Variants in IPCEF1 observed in about 807,000 individuals in gnomAD.
IPCEF1 encodes the protein interaction protein for cytohesin exchange factors 1.
IPCEF1 carries 31 observed loss-of-function variants against 50.9 expected under a neutral mutation model. The observed-to-expected ratio is 0.61, with a 90% CI of 0.46 to 0.82. The LOEUF (loss-of-function observed/expected upper bound fraction) is 0.82, where lower values mean the gene tolerates loss of function less well. IPCEF1 is among the 40% of genes least tolerant of loss of function. IPCEF1 has a pLI of 0.00. For missense variants in IPCEF1, 458 were observed against 514.0 expected, an observed-to-expected ratio of 0.89 and a Z score of 1.05; for synonymous variants, 181 against 192.0, an observed-to-expected ratio of 0.94 and a Z score of 0.47.
intron 2 of IPCEF1, among the ~76,000 whole-genome samples, chr6:154,272,432 T>C (rs1335919318): frequency 1.3e-5 from 2 of 152,234 alleles, no homozygotes; most frequent in South Asian, 2.1e-4. Flanking sequence ...TTTAAGGGAA[T>C]AGTTATCTCA....
At chr6:154,197,253 T>C (rs760919499) in intron 10 of IPCEF1, among the ~76,000 whole-genome samples, 3 of 152,214 alleles carry the variant, frequency 2.0e-5, no homozygotes, top group Non-Finnish European at 4.4e-5. Context: ...GCTACCTTTG[T>C]CTGCAACACA....
At position 154,159,551 on chromosome 6, in the gene IPCEF1, CCCTAGAG is replaced by C. The variant is rs1798849476; in HGVS notation, c.*270_*276del. 2.2e-6 allele frequency: 1 copy of C among 448,772 alleles called. No individual in the cohort carries two copies. Among genetic ancestry groups the C allele is most frequent in the Non-Finnish European group, 3.9e-6 (1 of 254,728 alleles). The allele number at this position is 448,772 out of a possible 1,614,324, so 27.8% of individuals were successfully genotyped here. A position where few individuals can be genotyped will look rare whatever the true frequency, so the allele number is the denominator to read the frequency against. On this transcript the variant is annotated 3_prime_UTR_variant, in exon 12 of 12. Transcript: ENST00000367220. ...ACAGAAGAGACATTTCTCACATCCC[CCCTAGAG>C]CCCCACATCACCGTGAGCTCCCAGT... is the stretch of plus-strand genomic sequence containing the variant.
intron 7 of IPCEF1, among the ~76,000 whole-genome samples, chr6:154,219,517 C>T (rs1459102339): frequency 6.6e-6 from 1 of 152,112 alleles, no homozygotes; most frequent in East Asian, 1.9e-4. Flanking sequence ...TGAGGCTCAG[C>T]GGCGGACTGA....
chr6:154,204,613 C>A (rs763870339), intron 9 of IPCEF1, among the ~76,000 whole-genome samples: 3 of 152,016 alleles, frequency 2.0e-5, no homozygotes, highest in Non-Finnish European at 2.9e-5. Context: ...GGGCAATGTG[C>A]TGACCGAAGA....
At chr6:154,260,544 C>A (rs946999262) in intron 3 of IPCEF1, among the ~76,000 whole-genome samples, 12 of 150,810 alleles carry the variant, frequency 8.0e-5, no homozygotes, top group Admixed American at 7.9e-4. Flanking sequence ...GCCATCTCAG[C>A]TCACTGCAAC....
chr6:154,340,095 C>G (rs1783877186), intron 1 of IPCEF1, among the ~76,000 whole-genome samples: 1 of 151,882 alleles, frequency 6.6e-6, no homozygotes, highest in South Asian at 2.1e-4. Context: ...AGAGTGAACC[C>G]CGAAAATTTG....
At chr6:154,184,220 T>A (rs1436085384) in intron 10 of IPCEF1, among the ~76,000 whole-genome samples, 6 of 152,064 alleles carry the variant, frequency 3.9e-5, no homozygotes, top group Non-Finnish European at 8.8e-5. Context: ...CTGTATCAGC[T>A]ATCTCAAAAT....
intron 5 of IPCEF1, among the ~76,000 whole-genome samples, chr6:154,227,917 A>G (rs1175243447): frequency 6.6e-6 from 1 of 151,690 alleles, no homozygotes; most frequent in Non-Finnish European, 1.5e-5. Flanking sequence ...TTTTATTCTG[A>G]AGACAGTTGA....
At chr6:154,195,788 A>G (rs1280148744) in intron 10 of IPCEF1, among the ~76,000 whole-genome samples, 1 of 122,178 alleles carries the variant, frequency 8.2e-6, no homozygotes, top group Non-Finnish European at 1.6e-5. Context: ...TACCTTGTTC[A>G]CAATTTTTTT....
chr6:154,326,754 C>G (rs919444564), intron 1 of IPCEF1, among the ~76,000 whole-genome samples: 1 of 152,084 alleles, frequency 6.6e-6, no homozygotes, highest in African/African-American at 2.4e-5. Flanking sequence ...CCCAAATAGC[C>G]AAGACAATCC....
intron 10 of IPCEF1, among the ~76,000 whole-genome samples, chr6:154,180,388 A>C (rs1800739976): frequency 1.7e-5 from 1 of 58,900 alleles, no homozygotes; most frequent in Middle Eastern, 7.8e-3. Context: ...AACAACAACT[A>C]TATATATATA....
intron 1 of IPCEF1, among the ~76,000 whole-genome samples, chr6:154,328,936 C>T (rs1389609604): frequency 6.6e-6 from 1 of 152,130 alleles, no homozygotes; most frequent in Non-Finnish European, 1.5e-5. Flanking sequence ...TGATTAATGT[C>T]ATATGAAGTG....
At chr6:154,352,776 A>G in intron 1 of IPCEF1, among the ~76,000 whole-genome samples, 1 of 152,208 alleles carries the variant, frequency 6.6e-6, no homozygotes, top group East Asian at 1.9e-4. Flanking sequence ...CAGGAATGAT[A>G]ATTCTTGAAT....
chr6:154,319,067 C>T (rs1474166218), intron 1 of IPCEF1, among the ~76,000 whole-genome samples: 2 of 152,154 alleles, frequency 1.3e-5, no homozygotes, highest in Non-Finnish European at 2.9e-5. Context: ...AAATGTATAA[C>T]TAAATTCTTG....
At chr6:154,215,904 T>A (rs1241151288) in intron 7 of IPCEF1, among the ~76,000 whole-genome samples, 5 of 152,122 alleles carry the variant, frequency 3.3e-5, no homozygotes, top group East Asian at 3.8e-4. Context: ...TTTTGAGAAA[T>A]GCACACTCAA....
At chr6:154,184,197 T>TA (rs999083328) in intron 10 of IPCEF1, among the ~76,000 whole-genome samples, 4 of 150,366 alleles carry the variant, frequency 2.7e-5, no homozygotes, top group Non-Finnish European at 5.9e-5. Flanking sequence ...AACTTTCTCT[T>TA]AAAAAAAAAT....
At chr6:154,246,112 C>T (rs1562564657) in intron 5 of IPCEF1, among the ~76,000 whole-genome samples, 1 of 151,952 alleles carries the variant, frequency 6.6e-6, no homozygotes, top group South Asian at 2.1e-4. Flanking sequence ...TAAAGAAGGT[C>T]GGGGGAAAGA....
chr6:154,223,271 A>T, intron 5 of IPCEF1, 28 bp from the exon 6 acceptor site: 1 of 1,541,102 alleles, frequency 6.5e-7, no homozygotes, highest in Non-Finnish European at 8.9e-7. Context: ...CACAAATAGG[A>T]ATGAATGCAT....
chr6:154,333,767 ATATG>A (rs1783728958), intron 1 of IPCEF1, among the ~76,000 whole-genome samples: 1 of 147,342 alleles, frequency 6.8e-6, no homozygotes, highest in African/African-American at 2.7e-5. Context: ...ATATGTGTAT[ATATG>A]TATGTGTGTA....
Sources: allele counts gnomAD v4.1 joint callset (sites outside exome capture counted in the v4.1 genomes callset), GRCh38; gene constraint gnomAD v4.1.1; transcripts MANE v1.5; gene names NCBI Gene and HGNC (gene_info 2026-07-23, HGNC 2026-07-21).